The following COL11A1 variants were observed in gnomAD, a reference collection of about 807,000 sequenced individuals.
The protein encoded by COL11A1 is collagen type XI alpha 1 chain.
COL11A1 carries 74 observed loss-of-function variants against 265.2 expected under a neutral mutation model. The observed-to-expected ratio is 0.28, with a 90% CI of 0.23 to 0.34. COL11A1 has a LOEUF of 0.34. Ranked by LOEUF, COL11A1 falls within the 10% of genes least tolerant of loss-of-function variation. The pLI is 1.00. For missense variants in COL11A1, 2,165 were observed against 2,263.6 expected (o/e 0.96, Z 0.88); for synonymous variants, 816 against 727.6 (o/e 1.12, Z -1.96).
chr1:102,994,549 C>G (rs549154846), intron 28 of COL11A1, among the ~76,000 whole-genome samples: 8 of 152,166 alleles, frequency 5.3e-5, no homozygotes, highest in African/African-American at 1.9e-4. Flanking sequence ...CAACCATAAG[C>G]CAATTAAACC....
intron 28 of COL11A1, among the ~76,000 whole-genome samples, chr1:102,994,613 G>A (rs1194998535): frequency 6.6e-6 from 1 of 152,028 alleles, no homozygotes; most frequent in Non-Finnish European, 1.5e-5. Context: ...TGCAAGGACA[G>A]TCTAATAGAG....
At chr1:102,888,505 A>G in intron 62 of COL11A1, 72 bp downstream of exon 62, 8 of 1,406,886 alleles carry the variant, frequency 5.7e-6, no homozygotes, top group Non-Finnish European at 8.1e-6. Flanking sequence ...TCTATCTTAT[A>G]AGTTCAGAGA....
chr1:102,949,119 A>G (rs993806067), intron 41 of COL11A1, among the ~76,000 whole-genome samples: 2 of 152,130 alleles, frequency 1.3e-5, no homozygotes, highest in African/African-American at 2.4e-5. Context: ...GGTAACAGAA[A>G]CACATCAACA....
At chr1:103,081,635 A>T (rs1342726989) in intron 2 of COL11A1, among the ~76,000 whole-genome samples, 1 of 151,914 alleles carries the variant, frequency 6.6e-6, no homozygotes, top group African/African-American at 2.4e-5. Flanking sequence ...ATGTCCTTCT[A>T]TGAAAAGTGT....
intron 38 of COL11A1, among the ~76,000 whole-genome samples, chr1:102,963,115 G>A (rs907798248): frequency 5.9e-5 from 9 of 151,994 alleles, no homozygotes; most frequent in African/African-American, 2.2e-4. Context: ...TTTCATATGA[G>A]GTGTCAAATC....
chr1:103,072,743 T>C (rs1255115091), intron 4 of COL11A1, among the ~76,000 whole-genome samples: 1 of 151,740 alleles, frequency 6.6e-6, no homozygotes, highest in Non-Finnish European at 1.5e-5. Flanking sequence ...AGAGACCAAA[T>C]TGTTTTTGAA....
chr1:103,034,755 A>ATT (rs71310144), intron 4 of COL11A1, among the ~76,000 whole-genome samples: 55 of 149,992 alleles, frequency 3.7e-4, no homozygotes, highest in East Asian at 1.4e-3. Context: ...CTTAATTTTC[A>ATT]TTTTTTTTTG....
At chr1:103,045,013 A>G (rs994483094) in intron 4 of COL11A1, among the ~76,000 whole-genome samples, 6 of 152,080 alleles carry the variant, frequency 3.9e-5, no homozygotes, top group Non-Finnish European at 8.8e-5. Context: ...AAAAAATGCT[A>G]TATCTAAGAG....
chr1:103,021,845 T>A lies in COL11A1; in HGVS notation c.1246-76A>T, dbSNP rs112327952. On this transcript the variant is annotated intron_variant, in intron 8 of 66. Transcript: ENST00000370096. ...TTCTTTCTTTCTTTTCTTCTTTTTTTTTTTCTTTCTTTCTTTTTTGAAGAC... is the reference window on the plus strand; with the variant it reads ...TTCTTTCTTTCTTTTCTTCTTTTTTATTTTCTTTCTTTCTTTTTTGAAGAC... 21 of 1,151,460 alleles carry A rather than the reference T, an allele frequency of 1.8e-5. No individual in the cohort carries two copies. In the South Asian group the frequency reaches 2.4e-4, roughly 13 times the overall value. The allele number at this position is 1,151,460 out of a possible 1,614,324, so 71.3% of individuals were successfully genotyped here. A position where few individuals can be genotyped will look rare whatever the true frequency, so the allele number is the denominator to read the frequency against.
intron 1 of COL11A1, among the ~76,000 whole-genome samples, chr1:103,092,119 A>T (rs952897444): frequency 2.0e-5 from 3 of 152,110 alleles, no homozygotes; most frequent in African/African-American, 7.2e-5. Context: ...CTTCCAGCAA[A>T]ATCAATTGTA....
intron 6 of COL11A1, 179 bp from the exon 7 acceptor site, chr1:103,025,792 T>C (rs745533249): frequency 2.5e-6 from 4 of 1,612,786 alleles, no homozygotes; most frequent in Non-Finnish European, 3.4e-6. Flanking sequence ...TTGCTTTTTC[T>C]TCGCTACCTT....
At chr1:102,900,933 T>C (rs532988229) in intron 54 of COL11A1, among the ~76,000 whole-genome samples, 14 of 152,294 alleles carry the variant, frequency 9.2e-5, no homozygotes, top group Admixed American at 4.6e-4. Flanking sequence ...CAAAAGCAGA[T>C]ATACTTTTCC....
chr1:103,052,258 A>C (rs947355411), intron 4 of COL11A1, among the ~76,000 whole-genome samples: 4 of 152,168 alleles, frequency 2.6e-5, no homozygotes, highest in Non-Finnish European at 4.4e-5. Flanking sequence ...CACAAAAAGA[A>C]TTCTAAAAAA....
chr1:102,921,748 C>A (rs781494317), intron 47 of COL11A1, among the ~76,000 whole-genome samples, 177 bp from the exon 48 acceptor site: 12 of 152,128 alleles, frequency 7.9e-5, no homozygotes, highest in Non-Finnish European at 1.8e-4. Context: ...GCAAATGAGC[C>A]TTTACACATA....
Position 103,022,799 on chromosome 1 carries a change from G to A in COL11A1, c.1188C>T (p.Pro396=), listed in dbSNP as rs766841299. 3.7e-6 allele frequency: 6 copies of A among 1,613,508 alleles called. No homozygotes were observed. The Admixed American group carries it at 6.7e-5, about 18-fold the overall frequency. ...CACCTGGACCAAATTCTTCATTAGGGGGGCTTGTTGGTTTATCTTCATATT... is the reference window on the plus strand; with the variant it reads ...CACCTGGACCAAATTCTTCATTAGGAGGGCTTGTTGGTTTATCTTCATATT... ...YKEYEDKPTS[P]PNEEFGPGVP... The change falls in exon 8 of 67, where the codon CCC becomes CCT. Residue 396 remains proline (P), a synonymous_variant. Transcript: ENST00000370096.
At chr1:102,978,990 A>C (rs1662777973) in intron 33 of COL11A1, 70 bp downstream of exon 33, 1 of 1,609,110 alleles carries the variant, frequency 6.2e-7, no homozygotes. Flanking sequence ...TTTATTTTTG[A>C]AAAATAAATT....
intron 54 of COL11A1, among the ~76,000 whole-genome samples, chr1:102,909,313 G>A (rs1654370338): frequency 6.6e-6 from 1 of 152,224 alleles, no homozygotes; most frequent in Non-Finnish European, 1.5e-5. Context: ...CAGCATGAGT[G>A]GGAGCAGCCT....
chr1:102,980,550 G>A (rs1472831315), intron 31 of COL11A1, among the ~76,000 whole-genome samples: 1 of 152,034 alleles, frequency 6.6e-6, no homozygotes, highest in Non-Finnish European at 1.5e-5. Flanking sequence ...GCAATAATAC[G>A]TAAAATGTCT....
intron 9 of COL11A1, among the ~76,000 whole-genome samples, chr1:103,019,738 C>T (rs955398656): frequency 1.8e-5 from 2 of 111,568 alleles, no homozygotes; most frequent in Admixed American, 1.1e-4. Context: ...TCCCTCCCCC[C>T]TCCCCCCACC....
Sources: gnomAD v4.1 joint callset for allele counts (sites outside exome capture counted in the v4.1 genomes callset) on GRCh38, gnomAD v4.1.1 for gene constraint, MANE v1.5 for transcripts, NCBI Gene and HGNC (gene_info 2026-07-23, HGNC 2026-07-21) for gene names.